PANX1: variants seen among roughly 807,000 people sequenced by gnomAD.
The protein encoded by PANX1 is pannexin-1.
Under a neutral mutation model 38.7 loss-of-function variants are expected in PANX1, and 30 were observed. That is an observed-to-expected ratio of 0.78 (90% confidence interval 0.58 to 1.05). The LOEUF is 1.05. PANX1 is among the 50% of genes least tolerant of loss of function. The pLI is 0.00. For synonymous variants in PANX1, 230 were observed against 212.2 expected (o/e 1.08, Z -0.73); for missense variants, 551 against 517.2 (o/e 1.07, Z -0.63).
rs776457262 is a variant in PANX1, at chr11:94,173,572, C to T, written c.322-4797C>T. On this transcript the variant is annotated intron_variant, in intron 2 of 4. Transcript: ENST00000227638. ...GCCCTTGCATGAGCTACACACCCGG[C>T]GTGATCCTCAGTTCTTCTCCTTTTC... Among the ~76,000 whole-genome samples, 13 of 151,516 alleles carry T rather than the reference C, an allele frequency of 8.6e-5. 1 individual carries two copies. Among genetic ancestry groups the T allele is most frequent in the African/African-American group, 1.5e-4 (6 of 40,854 alleles).
chr11:94,161,263 T>G lies in PANX1; in HGVS notation c.321+7633T>G, dbSNP rs183555480. ...GTTCTCTGTATTTCCTGAATCTGAATGTTGGCCTGACTTGCTAGATTGGGG... is the reference window on the plus strand; with the variant it reads ...GTTCTCTGTATTTCCTGAATCTGAAGGTTGGCCTGACTTGCTAGATTGGGG... On this transcript the variant is annotated intron_variant, in intron 2 of 4. Transcript: ENST00000227638. 6.6e-5 allele frequency among the ~76,000 whole-genome samples: 10 copies of G among 152,320 alleles called. No homozygotes were observed. The East Asian group carries it at 1.9e-3, about 29-fold the overall frequency.
chr11:94,143,903 C>T (rs915459710), intron 1 of PANX1, among the ~76,000 whole-genome samples: 16 of 152,068 alleles, frequency 1.1e-4, no homozygotes, highest in African/African-American at 3.9e-4. Flanking sequence ...CGCACGCCAC[C>T]GTGCCTAGCT....
intron 1 of PANX1, among the ~76,000 whole-genome samples, chr11:94,145,708 C>T (rs1946821648): frequency 6.6e-6 from 1 of 152,176 alleles, no homozygotes; most frequent in African/African-American, 2.4e-5. Flanking sequence ...CCAGACTAAA[C>T]CGTTTAAAAC....
Position 94,164,949 on chromosome 11 carries a change from A to C in PANX1, c.321+11319A>C, listed in dbSNP as rs1947086566. 2.6e-5 allele frequency among the ~76,000 whole-genome samples: 4 copies of C among 151,966 alleles called. No individual in the cohort carries two copies. In the South Asian group the frequency reaches 8.3e-4, roughly 32 times the overall value. ...AATGACTTACTTTTTATCTTTTTAC[A>C]GTTTCTGTATTGAGATTTATTTTAT... is the stretch of plus-strand genomic sequence containing the variant. On this transcript the variant is annotated intron_variant, in intron 2 of 4. Coordinates refer to ENST00000227638, the MANE Select transcript of PANX1 (RefSeq NM_015368.4).
intron 1 of PANX1, among the ~76,000 whole-genome samples, chr11:94,133,257 G>A (rs994041647): frequency 7.9e-5 from 12 of 152,160 alleles, no homozygotes; most frequent in African/African-American, 2.4e-4. Flanking sequence ...GGGCTGGTGG[G>A]GACTGTGTTG....
Position 94,153,651 on chromosome 11 carries a change from A to G in PANX1, c.321+21A>G, listed in dbSNP as rs971455095. 2.1e-5 allele frequency: 34 copies of G among 1,609,346 alleles called. No homozygotes were observed. The East Asian group carries it at 7.6e-4, about 36-fold the overall frequency. Reference sequence around the variant, plus strand: ...ATAAGGTAAAGGGAGACATTTCCAAATAGAACCTGTTTGCTTTATAGATAA... The same window carrying G: ...ATAAGGTAAAGGGAGACATTTCCAAGTAGAACCTGTTTGCTTTATAGATAA... On this transcript the variant is annotated intron_variant, in intron 2 of 4. Coordinates refer to ENST00000227638, the MANE Select transcript of PANX1 (RefSeq NM_015368.4).
intron 1 of PANX1, among the ~76,000 whole-genome samples, chr11:94,144,758 G>A (rs1946808070): frequency 6.6e-6 from 1 of 152,110 alleles, no homozygotes; most frequent in Admixed American, 6.5e-5. Flanking sequence ...TTCATCCTCA[G>A]GGTGTCATAG....
At chr11:94,141,693 G>A (rs917428668) in intron 1 of PANX1, among the ~76,000 whole-genome samples, 2 of 152,132 alleles carry the variant, frequency 1.3e-5, no homozygotes, top group Admixed American at 6.5e-5. Flanking sequence ...ATTAGGAAAT[G>A]TGAATAATGA....
chr11:94,137,565 TG>T (rs1946709383), intron 1 of PANX1, among the ~76,000 whole-genome samples: 1 of 148,452 alleles, frequency 6.7e-6, no homozygotes, highest in Non-Finnish European at 1.5e-5. Flanking sequence ...CTGCATGCTG[TG>T]GGGTTTCTGG....
intron 1 of PANX1, among the ~76,000 whole-genome samples, chr11:94,132,277 C>T (rs1301557836): frequency 1.3e-5 from 2 of 152,140 alleles, no homozygotes; most frequent in Admixed American, 6.5e-5. Flanking sequence ...AGAAGTTGAA[C>T]GCATAACCCT....
At position 94,129,301 on chromosome 11, in the gene PANX1, C is replaced by G; in HGVS notation, c.-12C>G. 2 of 1,596,184 alleles carry G rather than the reference C, an allele frequency of 1.3e-6. No individual in the cohort carries two copies. Among genetic ancestry groups the G allele is most frequent in the Non-Finnish European group, 1.7e-6 (2 of 1,166,596 alleles). ...ACCCGGACCTCCTGGTCGAGCCTGG[C>G]GCGCCGCAGCCATGGCCATCGCTCA... On this transcript the variant is annotated 5_prime_UTR_variant, in exon 1 of 5. Transcript: ENST00000227638.
Position 94,181,450 on chromosome 11 carries a change from C to G in PANX1, c.*581C>G, listed in dbSNP as rs1947305758. The G allele has an allele frequency of 1.3e-5, 2 of 152,668 alleles. No homozygotes were observed. The highest frequency in any genetic ancestry group is 2.9e-5 in the Non-Finnish European group (2 of 68,368). The allele number at this position is 152,668 out of a possible 1,614,324, so 9.5% of individuals were successfully genotyped here. ...TTACATTGTTAGTTGTCAACCTTGGCTGATGGAAATCCCGTAACCACTATT... is the reference window on the plus strand; with the variant it reads ...TTACATTGTTAGTTGTCAACCTTGGGTGATGGAAATCCCGTAACCACTATT... On this transcript the variant is annotated 3_prime_UTR_variant, in exon 5 of 5. Transcript: ENST00000227638.
At chr11:94,148,499 G>A (rs1349385542) in intron 1 of PANX1, among the ~76,000 whole-genome samples, 1 of 152,134 alleles carries the variant, frequency 6.6e-6, no homozygotes, top group Non-Finnish European at 1.5e-5. Flanking sequence ...TGTTTTCAGA[G>A]CTGACCACTG....
intron 1 of PANX1, among the ~76,000 whole-genome samples, chr11:94,133,003 G>A (rs897004692): frequency 3.3e-5 from 5 of 152,310 alleles, no homozygotes; most frequent in African/African-American, 4.8e-5. Flanking sequence ...AAAGGCTTCC[G>A]TTTGGTCTTT....
chr11:94,142,780 C>T (rs1037856033), intron 1 of PANX1, among the ~76,000 whole-genome samples: 2 of 152,196 alleles, frequency 1.3e-5, no homozygotes, highest in Non-Finnish European at 2.9e-5. Context: ...TTGGGTTAAG[C>T]GCCACACAGT....
intron 2 of PANX1, among the ~76,000 whole-genome samples, chr11:94,159,879 C>T (rs1947001576): frequency 6.6e-6 from 1 of 151,380 alleles, no homozygotes; most frequent in Admixed American, 6.6e-5. Flanking sequence ...CTCTAAATTT[C>T]CCTCTATACA....
At chr11:94,177,421 G>A (rs1022950524) in intron 2 of PANX1, among the ~76,000 whole-genome samples, 4 of 151,888 alleles carry the variant, frequency 2.6e-5, no homozygotes, top group Non-Finnish European at 4.4e-5. Context: ...ACCAGGGTCA[G>A]CAAACTTCTG....
chr11:94,129,110 G>T lies in PANX1; in HGVS notation c.-203G>T, dbSNP rs1318861557. On this transcript the variant is annotated 5_prime_UTR_variant, in exon 1 of 5. Transcript: ENST00000227638. ...GGTTCCCGCCCCGCCCCGCCCCGCC[G>T]GCGGCGGAGGCAGCGAGCGCGAGAG... The T allele has an allele frequency of 2.3e-6, 1 of 430,840 alleles. No homozygotes were observed. The highest frequency in any genetic ancestry group is 4.4e-5 in the Admixed American group (1 of 22,854). 26.7% of individuals were successfully genotyped at this position (430,840 alleles called of 1,614,324 possible).
rs1417898516 is a variant in PANX1 at position 94,160,034 on chromosome 11, A to G, written c.321+6404A>G. On this transcript the variant is annotated intron_variant, in intron 2 of 4. Coordinates refer to ENST00000227638, the MANE Select transcript of PANX1 (RefSeq NM_015368.4). ...TTGTTCAGTTTCCATGTAGTTGAGCAGTTTTGAGTCAGTTTCTTAATCCTG... is the reference window on the plus strand; with the variant it reads ...TTGTTCAGTTTCCATGTAGTTGAGCGGTTTTGAGTCAGTTTCTTAATCCTG... Among the ~76,000 whole-genome samples the G allele has an allele frequency of 3.3e-5, 5 of 151,892 alleles. No individual in the cohort carries two copies. The East Asian group carries it at 9.7e-4, about 29-fold the overall frequency.
Sources: allele counts gnomAD v4.1 joint callset (sites outside exome capture counted in the v4.1 genomes callset), GRCh38; gene constraint gnomAD v4.1.1; transcripts MANE v1.5; gene names NCBI Gene and HGNC (gene_info 2026-07-23, HGNC 2026-07-21).